CAMKK1: variants seen among roughly 807,000 people sequenced by gnomAD.
The protein encoded by CAMKK1 is calcium/calmodulin dependent protein kinase kinase 1.
CAMKK1 carries 20 observed loss-of-function variants against 63.5 expected under a neutral mutation model. The ratio of observed to expected loss-of-function variants is 0.32; its 90% CI spans 0.22 to 0.46. The LOEUF is 0.46. Ranked by LOEUF, CAMKK1 falls within the 20% of genes least tolerant of loss-of-function variation. The pLI is 1.00. For synonymous variants in CAMKK1, 253 were observed against 269.0 expected, an observed-to-expected ratio of 0.94 and a Z score of 0.58; for missense variants, 588 against 658.1, an observed-to-expected ratio of 0.89 and a Z score of 1.17.
chr17:3,863,869 C>T (rs1463672549), intron 15 of CAMKK1, among the ~76,000 whole-genome samples: 1 of 152,182 alleles, frequency 6.6e-6, no homozygotes, highest in Non-Finnish European at 1.5e-5. Context: ...TGTTCCACCA[C>T]TAGGGGGTGC....
chr17:3,867,690 G>A (rs1476826931), intron 14 of CAMKK1, among the ~76,000 whole-genome samples: 4 of 152,078 alleles, frequency 2.6e-5, no homozygotes, highest in Non-Finnish European at 5.9e-5. Flanking sequence ...GAGCCAGCTG[G>A]TCCCAGCTGG....
At position 3,871,874 on chromosome 17, in the gene CAMKK1, A is replaced by G. The variant is rs547855697; in HGVS notation, c.1124+680T>C. Among the ~76,000 whole-genome samples, 14 of 148,010 alleles carry G rather than the reference A, an allele frequency of 9.5e-5. No individual in the cohort carries two copies. The East Asian group carries it at 1.8e-3, about 19-fold the overall frequency. ...TTGGCCAGGCTGGTCTCTAACTCCT[A>G]ACCTCAGGTGATCTGCCCACCTCAG... On this transcript the variant is annotated intron_variant, in intron 12 of 15. Coordinates refer to ENST00000348335, the MANE Select transcript of CAMKK1 (RefSeq NM_032294.3).
rs759008086 is a variant in CAMKK1, at chr17:3,882,496, G to T, written c.685+32C>A. On this transcript the variant is annotated intron_variant, in intron 7 of 15. Coordinates refer to ENST00000348335, the MANE Select transcript of CAMKK1 (RefSeq NM_032294.3). The surrounding 1 kb of genome is among the most constrained non-coding windows in gnomAD (Gnocchi z 4.3). The stretch of plus-strand genomic sequence containing the variant: ...GGGAGCCCTTGGGCCAGCCCTGAGT[G>T]AGCTGCTGTGGGAATGAGCCAGGTC... The T allele has an allele frequency of 1.5e-5, 24 of 1,598,866 alleles. No individual in the cohort carries two copies. Among genetic ancestry groups the T allele is most frequent in the Non-Finnish European group, 2.0e-5 (24 of 1,171,906 alleles).
chr17:3,891,065 T>C (rs2039433115), intron 1 of CAMKK1, among the ~76,000 whole-genome samples: 1 of 150,004 alleles, frequency 6.7e-6, no homozygotes, highest in African/African-American at 2.5e-5. Context: ...ACTCGGAATG[T>C]CATGGATAGA....
chr17:3,872,747 G>A (rs2054948390), intron 11 of CAMKK1, 120 bp from the exon 12 acceptor site: 1 of 732,630 alleles, frequency 1.4e-6, no homozygotes, highest in Admixed American at 2.2e-5. Flanking sequence ...CCCATTACAT[G>A]AGAAGGACCT....
rs1395915615 is a variant in CAMKK1, at chr17:3,882,552, G to A, written c.661C>T (p.Pro221Ser). 6.9e-6 allele frequency: 11 copies of A among 1,594,120 alleles called. No individual in the cohort carries two copies. Among genetic ancestry groups the A allele is most frequent in the African/African-American group, 1.3e-5 (1 of 74,572 alleles). The change falls in exon 7 of 16, where the codon CCA becomes TCA. Residue 221 changes from proline to serine, a missense_variant. This residue lies in a region of CAMKK1 where 357 missense variants were observed against 407.4 expected (regional missense o/e 0.88). Transcript: ENST00000348335. This position sits in a 1 kb window ranked among gnomAD's most constrained non-coding sequence, Gnocchi z 4.3. The part of the protein sequence containing the change: ...VVKLIEVLDD[P>S]AEDNLYLVFD... ...CCCAAATAGAGGTTGTCCTCAGCTG[G>A]GTCATCCAGGACCTGGTCAGAGGGA... is the stretch of plus-strand genomic sequence containing the variant.
chr17:3,884,067 A>G lies in CAMKK1; in HGVS notation c.409-130T>C, dbSNP rs1200325380. 1 of 905,804 alleles carries G rather than the reference A, an allele frequency of 1.1e-6. No individual in the cohort carries two copies. Among genetic ancestry groups the G allele is most frequent in the Non-Finnish European group, 1.8e-6 (1 of 570,214 alleles). The allele number at this position is 905,804 out of a possible 1,614,324, so 56.1% of individuals were successfully genotyped here. A position where few individuals can be genotyped will look rare whatever the true frequency, so the allele number is the denominator to read the frequency against. ...TGCACTACCCACCACCAGCTGGCTC[A>G]CGGGCAAATATTGTAGCAGATGGGG... is the stretch of plus-strand genomic sequence containing the variant. On this transcript the variant is annotated intron_variant, in intron 3 of 15. Transcript: ENST00000348335. This position sits in a 1 kb window ranked among gnomAD's most constrained non-coding sequence, Gnocchi z 4.5.
At chr17:3,872,916 T>G (rs1406383641) in intron 11 of CAMKK1, among the ~76,000 whole-genome samples, 1 of 152,182 alleles carries the variant, frequency 6.6e-6, no homozygotes, top group African/African-American at 2.4e-5. Flanking sequence ...TGGCCAGGCC[T>G]CCACTCCCAG....
Position 3,883,404 on chromosome 17 carries a change from A to G in CAMKK1, c.514+25T>C, listed in dbSNP as rs752905447. 7 of 1,610,208 alleles carry G rather than the reference A, an allele frequency of 4.3e-6. No individual in the cohort carries two copies. The South Asian group carries it at 7.7e-5, about 18-fold the overall frequency. Reference sequence around the variant, plus strand: ...CTCTGCCTCCAGGCTAGGAGCTCCCAGGGACAGGATCAGAAGATACATACG... The same window carrying G: ...CTCTGCCTCCAGGCTAGGAGCTCCCGGGGACAGGATCAGAAGATACATACG... On this transcript the variant is annotated intron_variant, in intron 5 of 15. Transcript: ENST00000348335. The surrounding 1 kb of genome is among the most constrained non-coding windows in gnomAD (Gnocchi z 4.7).
intron 14 of CAMKK1, among the ~76,000 whole-genome samples, chr17:3,868,708 A>G (rs1472156785): frequency 6.6e-6 from 1 of 151,818 alleles, no homozygotes; most frequent in Non-Finnish European, 1.5e-5. Context: ...GCTGGAGTGC[A>G]ATGGCGTGAT....
Position 3,884,303 on chromosome 17 carries a change from C to A in CAMKK1, c.408+77G>T. ...ACTTGCCTGGCTCTGCCTCCCGTTC[C>A]CTCCCACACGAGAGAAGGAGCAGCG... On this transcript the variant is annotated intron_variant, in intron 3 of 15. Coordinates refer to ENST00000348335, the MANE Select transcript of CAMKK1 (RefSeq NM_032294.3). The surrounding 1 kb of genome is among the most constrained non-coding windows in gnomAD (Gnocchi z 4.5). 6.6e-7 allele frequency: 1 copy of A among 1,511,512 alleles called. No homozygotes were observed. Among genetic ancestry groups the A allele is most frequent in the Non-Finnish European group, 9.2e-7 (1 of 1,088,818 alleles). The allele number at this position is 1,511,512 out of a possible 1,614,324, so 93.6% of individuals were successfully genotyped here.
chr17:3,883,031 C>A lies in CAMKK1; in HGVS notation c.648+11G>T. 6.2e-7 allele frequency: 1 copy of A among 1,613,526 alleles called. No individual in the cohort carries two copies. The highest frequency in any genetic ancestry group is 8.5e-7 in the Non-Finnish European group (1 of 1,179,764). On this transcript the variant is annotated intron_variant, in intron 6 of 15. Coordinates refer to ENST00000348335, the MANE Select transcript of CAMKK1 (RefSeq NM_032294.3). The surrounding 1 kb of genome is among the most constrained non-coding windows in gnomAD (Gnocchi z 4.7). ...GGTGCTGGTTCCCACCTGCTCACCA[C>A]CACCCCCTACCTCGATCAGTTTGAC...
chr17:3,875,121 C>CA (rs1282306190), intron 10 of CAMKK1, among the ~76,000 whole-genome samples: 14 of 146,348 alleles, frequency 9.6e-5, no homozygotes, highest in South Asian at 2.2e-4. Context: ...GACTCCGGCT[C>CA]AAAAAAAAAG....
rs2055451893 is a variant in CAMKK1 at position 3,882,449 on chromosome 17, C to T, written c.685+79G>A. 2 of 1,588,372 alleles carry T rather than the reference C, an allele frequency of 1.3e-6. No homozygotes were observed. The highest frequency in any genetic ancestry group is 4.5e-5 in the East Asian group (2 of 44,700). On this transcript the variant is annotated intron_variant, in intron 7 of 15. Coordinates refer to ENST00000348335, the MANE Select transcript of CAMKK1 (RefSeq NM_032294.3). The surrounding 1 kb of genome is among the most constrained non-coding windows in gnomAD (Gnocchi z 4.3). ...AGGTCAGTGCATTTACACCGCCCAC[C>T]TGAAGGTCATACATGTCCCAAGGGA...
At position 3,890,630 on chromosome 17, in the gene CAMKK1, G is replaced by A. The variant is rs928110859; in HGVS notation, c.-44+2309C>T. 4 of 779,384 alleles carry A rather than the reference G, an allele frequency of 5.1e-6. No homozygotes were observed. The highest frequency in any genetic ancestry group is 2.4e-5 in the East Asian group (1 of 41,264). The allele number at this position is 779,384 out of a possible 1,614,324, so 48.3% of individuals were successfully genotyped here. The stretch of plus-strand genomic sequence containing the variant: ...CCTGACCCAGGTCAGCAATCCGGGA[G>A]CCCTCCTTGTCACTCGTCCTTTCCC... On this transcript the variant is annotated intron_variant, in intron 1 of 15. Transcript: ENST00000348335. The surrounding 1 kb of genome is among the most constrained non-coding windows in gnomAD (Gnocchi z 6.5).
At chr17:3,874,297 G>A (rs973785995) in intron 10 of CAMKK1, among the ~76,000 whole-genome samples, 1 of 152,178 alleles carries the variant, frequency 6.6e-6, no homozygotes, top group African/African-American at 2.4e-5. Flanking sequence ...ATTGGATTCC[G>A]GGACCAGAAA....
chr17:3,868,364 GCGGGCGCTGGGGGAGACGCAGGCCCA>G (rs2054659991), intron 14 of CAMKK1, among the ~76,000 whole-genome samples: 1 of 143,478 alleles, frequency 7.0e-6, no homozygotes, highest in African/African-American at 2.9e-5. Context: ...TGATTGATAC[GCGGGCGCTGGGGGAGACGCAGGCCCA>G]TCTAACTGAT....
chr17:3,865,490 A>G lies in CAMKK1; in HGVS notation c.1445+418T>C, dbSNP rs527296689. ...CAGCACCCCTCCTCTACAGCCCGCC[A>G]GCCTCCTACAGGAAGCCAACATCAG... is the stretch of plus-strand genomic sequence containing the variant. On this transcript the variant is annotated intron_variant, in intron 15 of 15. Transcript: ENST00000348335. 2.6e-3 allele frequency: 2,685 copies of G among 1,015,110 alleles called. 7 individuals carry two copies. Among genetic ancestry groups the G allele is most frequent in the Non-Finnish European group, 3.0e-3 (2,505 of 846,778 alleles). 62.9% of individuals were successfully genotyped at this position (1,015,110 alleles called of 1,614,324 possible).
intron 8 of CAMKK1, among the ~76,000 whole-genome samples, 177 bp downstream of exon 8, chr17:3,881,450 C>A (rs2055407948): frequency 6.6e-6 from 1 of 152,206 alleles, no homozygotes; most frequent in South Asian, 2.1e-4. Flanking sequence ...TTCAGCCTCA[C>A]TGACCCCCAT....
Sources: gnomAD v4.1 joint callset for allele counts (sites outside exome capture counted in the v4.1 genomes callset) on GRCh38, gnomAD v4.1.1 for gene constraint, gnomAD v4.1.1 regional missense constraint, Gnocchi (gnomAD v3.1) non-coding constraint, MANE v1.5 for transcripts, NCBI Gene and HGNC (gene_info 2026-07-23, HGNC 2026-07-21) for gene names.